MSRA: variants seen among roughly 807,000 people sequenced by gnomAD.
MSRA encodes the protein mitochondrial peptide methionine sulfoxide reductase.
A neutral mutation model predicts 31.3 loss-of-function variants in MSRA; 54 were observed. The ratio of observed to expected loss-of-function variants is 1.73; its 90% CI spans 1.39 to 2.17. The LOEUF (loss-of-function observed/expected upper bound fraction) is 2.17. Ranked by LOEUF, MSRA falls within the 30% of genes most tolerant of loss-of-function variation. MSRA has a pLI of 0.00. For missense variants in MSRA, 507 were observed against 300.9 expected (o/e 1.69, Z -5.07); for synonymous variants, 169 against 116.5 (o/e 1.45, Z -2.90).
At chr8:10,168,039 A>G (rs1475625424) in intron 1 of MSRA, among the ~76,000 whole-genome samples, 1 of 152,100 alleles carries the variant, frequency 6.6e-6, no homozygotes, top group Non-Finnish European at 1.5e-5. Flanking sequence ...CTGGAACCCA[A>G]CAGTTTGGGT....
rs1052246093 is a variant in MSRA at position 10,187,728 on chromosome 8, A to G, written c.143-20105A>G. ...ATTATTGTTTTTAAATTAATCCTAG[A>G]AGGTCCTTTAAGTGTATTTGATAAA... is the stretch of plus-strand genomic sequence containing the variant. On this transcript the variant is annotated intron_variant, in intron 1 of 5. Coordinates refer to ENST00000317173, the MANE Select transcript of MSRA (RefSeq NM_012331.5). Among the ~76,000 whole-genome samples the G allele has an allele frequency of 5.9e-5, 9 of 152,332 alleles. 1 individual carries two copies. The South Asian group carries it at 1.9e-3, about 32-fold the overall frequency.
chr8:10,215,441 G>C (rs1248534746), intron 2 of MSRA, among the ~76,000 whole-genome samples: 1 of 152,212 alleles, frequency 6.6e-6, no homozygotes, highest in Non-Finnish European at 1.5e-5. Flanking sequence ...CAGCCGGACA[G>C]GTGCTCCCTG....
At chr8:10,237,647 T>G (rs1200215396) in intron 2 of MSRA, among the ~76,000 whole-genome samples, 1 of 152,192 alleles carries the variant, frequency 6.6e-6, no homozygotes, top group Non-Finnish European at 1.5e-5. Flanking sequence ...CTAGCCTGAT[T>G]ACAACCGCCT....
intron 1 of MSRA, among the ~76,000 whole-genome samples, chr8:10,091,976 C>A (rs556689447): frequency 1.3e-5 from 2 of 152,196 alleles, no homozygotes; most frequent in East Asian, 3.9e-4. Flanking sequence ...AATTCATATT[C>A]CTTTCAATGG....
At chr8:10,186,839 C>T (rs1807098279) in intron 1 of MSRA, among the ~76,000 whole-genome samples, 1 of 152,126 alleles carries the variant, frequency 6.6e-6, no homozygotes, top group Admixed American at 6.5e-5. Flanking sequence ...GATTTAAAAC[C>T]TATATGTCAT....
intron 3 of MSRA, among the ~76,000 whole-genome samples, chr8:10,247,342 A>G (rs1585266187): frequency 6.6e-6 from 1 of 152,160 alleles, no homozygotes; most frequent in Non-Finnish European, 1.5e-5. Flanking sequence ...AGTCTATGCC[A>G]TTGACCATGG....
intron 1 of MSRA, among the ~76,000 whole-genome samples, chr8:10,091,708 G>A (rs1304298804): frequency 6.6e-6 from 1 of 151,450 alleles, no homozygotes; most frequent in African/African-American, 2.4e-5. Context: ...CCGGGTTCAA[G>A]TGATTCTCGT....
chr8:10,244,735 G>C (rs948898778), intron 2 of MSRA, among the ~76,000 whole-genome samples: 8 of 152,270 alleles, frequency 5.3e-5, no homozygotes, highest in Non-Finnish European at 1.2e-4. Flanking sequence ...TATGTGACCA[G>C]GGAGTGGATC....
At chr8:10,088,809 AAAG>A (rs1381447850) in intron 1 of MSRA, among the ~76,000 whole-genome samples, 2 of 152,224 alleles carry the variant, frequency 1.3e-5, no homozygotes, top group Admixed American at 6.5e-5. Context: ...TAGCCTTAAG[AAAG>A]AAGATCTTGC....
At chr8:10,388,133 C>T (rs954159849) in intron 5 of MSRA, among the ~76,000 whole-genome samples, 12 of 152,092 alleles carry the variant, frequency 7.9e-5, no homozygotes, top group African/African-American at 2.9e-4. Flanking sequence ...GGGAGAAACT[C>T]AGGGATAAGT....
At chr8:10,080,360 G>T (rs536790496) in intron 1 of MSRA, among the ~76,000 whole-genome samples, 4 of 143,708 alleles carry the variant, frequency 2.8e-5, no homozygotes, top group African/African-American at 5.2e-5. Context: ...GACCAACCCT[G>T]TTTTCACTAT....
At chr8:10,280,154 G>A (rs1799542022) in intron 3 of MSRA, among the ~76,000 whole-genome samples, 1 of 151,736 alleles carries the variant, frequency 6.6e-6, no homozygotes, top group African/African-American at 2.4e-5. Flanking sequence ...TGTAGTTATG[G>A]CCCCCTTTTA....
At chr8:10,143,127 G>T (rs1802846512) in intron 1 of MSRA, among the ~76,000 whole-genome samples, 1 of 152,120 alleles carries the variant, frequency 6.6e-6, no homozygotes, top group African/African-American at 2.4e-5. Flanking sequence ...GGGATGAAAG[G>T]AGGATTCCCT....
chr8:10,281,000 G>A lies in MSRA; in HGVS notation c.332-20534G>A, dbSNP rs185291172. On this transcript the variant is annotated intron_variant, in intron 3 of 5. Coordinates refer to ENST00000317173, the MANE Select transcript of MSRA (RefSeq NM_012331.5). ...ACACATTAGTCATTAGCTTGGACGGGGGAGATGGTGGGTTTGGGAATGATA... is the reference window on the plus strand; with the variant it reads ...ACACATTAGTCATTAGCTTGGACGGAGGAGATGGTGGGTTTGGGAATGATA... Among the ~76,000 whole-genome samples, 245 of 152,294 alleles carry A rather than the reference G, an allele frequency of 1.6e-3. 1 individual carries two copies. Among genetic ancestry groups the A allele is most frequent in the African/African-American group, 5.8e-3 (240 of 41,558 alleles).
Position 10,054,564 on chromosome 8 carries a change from C to T in MSRA, c.48C>T (p.Ser16=). The change falls in exon 1 of 6, where the codon AGC becomes AGT. Residue 16 remains serine, a synonymous_variant. Coordinates refer to ENST00000317173, the MANE Select transcript of MSRA (RefSeq NM_012331.5). ...RRACQLLLLH[S]LFPVPRMGNS... ...CTTGCCAGCTCCTCCTCCTCCACAGCCTCTTTCCCGTCCCGAGGATGGGCA... is the reference window on the plus strand; with the variant it reads ...CTTGCCAGCTCCTCCTCCTCCACAGTCTCTTTCCCGTCCCGAGGATGGGCA... 6.3e-7 allele frequency: 1 copy of T among 1,587,834 alleles called. No homozygotes were observed. The highest frequency in any genetic ancestry group is 2.4e-5 in the East Asian group (1 of 41,276).
chr8:10,125,916 A>G (rs2129020728), intron 1 of MSRA, among the ~76,000 whole-genome samples: 1 of 152,344 alleles, frequency 6.6e-6, no homozygotes, highest in East Asian at 1.9e-4. Flanking sequence ...AGACAAAACC[A>G]CTAACTGCTT....
intron 1 of MSRA, among the ~76,000 whole-genome samples, chr8:10,178,237 A>T (rs149044091): frequency 1.3e-5 from 2 of 152,274 alleles, no homozygotes; most frequent in East Asian, 3.9e-4. Context: ...TTCCTGATAG[A>T]TTTCGCTTAG....
At chr8:10,348,540 T>C (rs1803933539) in intron 5 of MSRA, among the ~76,000 whole-genome samples, 1 of 151,940 alleles carries the variant, frequency 6.6e-6, no homozygotes, top group Non-Finnish European at 1.5e-5. Flanking sequence ...CGGCTAATTT[T>C]TGTATTTTTA....
intron 2 of MSRA, among the ~76,000 whole-genome samples, chr8:10,222,427 A>T (rs1322814672): frequency 6.7e-6 from 1 of 148,450 alleles, no homozygotes; most frequent in African/African-American, 2.5e-5. Flanking sequence ...TGGTACAGCC[A>T]TTATGGAAAA....
Sources: gnomAD v4.1 joint callset for allele counts (sites outside exome capture counted in the v4.1 genomes callset) on GRCh38, gnomAD v4.1.1 for gene constraint, MANE v1.5 for transcripts, NCBI Gene and HGNC (gene_info 2026-07-23, HGNC 2026-07-21) for gene names.